Variants in SGTA observed in about 807,000 individuals in gnomAD.
The protein encoded by SGTA is small glutamine rich tetratricopeptide repeat co-chaperone alpha.
SGTA carries 22 observed loss-of-function variants against 44.3 expected under a neutral mutation model. The observed-to-expected ratio is 0.50, with a 90% CI of 0.36 to 0.71. The LOEUF (loss-of-function observed/expected upper bound fraction) is 0.71. Among genes scored for constraint, SGTA ranks in the 30% least tolerant of loss-of-function variants. The pLI is 0.00. For synonymous variants in SGTA, 174 were observed against 177.6 expected (o/e 0.98, Z 0.16); for missense variants, 341 against 435.9 (o/e 0.78, Z 1.94).
chr19:2,777,115 G>A (rs1005005864), intron 1 of SGTA, among the ~76,000 whole-genome samples: 1 of 151,720 alleles, frequency 6.6e-6, no homozygotes, highest in African/African-American at 2.4e-5. Context: ...GCCGGTCGTA[G>A]TGGTGCGCGC....
chr19:2,765,594 C>G lies in SGTA; in HGVS notation c.293-309G>C, dbSNP rs1303758127. Among the ~76,000 whole-genome samples the G allele has an allele frequency of 6.6e-6, 1 of 151,950 alleles. No individual in the cohort carries two copies. Among genetic ancestry groups the G allele is most frequent in the Non-Finnish European group, 1.5e-5 (1 of 67,942 alleles). ...CTGGATGGCGACCCCGGGAGCAGAA[C>G]AGTTAATACAGCTCACCGGCCCGGG... On this transcript the variant is annotated intron_variant, in intron 4 of 11. Coordinates refer to ENST00000221566, the MANE Select transcript of SGTA (RefSeq NM_003021.4). The surrounding 1 kb of genome is among the most constrained non-coding windows in gnomAD (Gnocchi z 5.5).
At chr19:2,758,727 C>T (rs555148630) in intron 9 of SGTA, among the ~76,000 whole-genome samples, 4 of 152,192 alleles carry the variant, frequency 2.6e-5, no homozygotes, top group African/African-American at 9.6e-5. Context: ...AAGGTAGAAA[C>T]AGCCCAAATG....
At chr19:2,778,501 C>T (rs1169184792) in intron 1 of SGTA, among the ~76,000 whole-genome samples, 1 of 152,018 alleles carries the variant, frequency 6.6e-6, no homozygotes, top group Non-Finnish European at 1.5e-5. Flanking sequence ...AACACCGCCC[C>T]CCCCGGCCCC....
intron 1 of SGTA, among the ~76,000 whole-genome samples, chr19:2,775,612 T>C (rs951160711): frequency 1.5e-4 from 23 of 152,162 alleles, no homozygotes; most frequent in African/African-American, 5.3e-4. Flanking sequence ...ACCGACTCCA[T>C]TTCTATGAAA....
At chr19:2,775,142 G>A (rs1038834115) in intron 1 of SGTA, among the ~76,000 whole-genome samples, 2 of 152,232 alleles carry the variant, frequency 1.3e-5, no homozygotes, top group African/African-American at 4.8e-5. Flanking sequence ...TGACCTCGGC[G>A]CAGTGACCTA....
At position 2,763,608 on chromosome 19, in the gene SGTA, G is replaced by A. The variant is rs894753282; in HGVS notation, c.497+45C>T. The A allele has an allele frequency of 7.5e-7, 1 of 1,327,578 alleles. No individual in the cohort carries two copies. The highest frequency in any genetic ancestry group is 1.1e-6 in the Non-Finnish European group (1 of 939,000). The allele number at this position is 1,327,578 out of a possible 1,614,324, so 82.2% of individuals were successfully genotyped here. On this transcript the variant is annotated intron_variant, in intron 6 of 11. Transcript: ENST00000221566. This position sits in a 1 kb window ranked among gnomAD's most constrained non-coding sequence, Gnocchi z 5.8. ...AGAGGAAGCAGGAGCAGGAGAGGAG[G>A]GGTCCCGAGAGACTGGAAAGGCGCG... is the stretch of plus-strand genomic sequence containing the variant.
At chr19:2,774,006 G>A (rs185398638) in intron 1 of SGTA, among the ~76,000 whole-genome samples, 7 of 151,740 alleles carry the variant, frequency 4.6e-5, no homozygotes, top group Non-Finnish European at 7.4e-5. Context: ...TGGGTGACGC[G>A]GCCACACGGC....
At chr19:2,779,051 A>G (rs1007016662) in intron 1 of SGTA, among the ~76,000 whole-genome samples, 7 of 152,036 alleles carry the variant, frequency 4.6e-5, no homozygotes, top group African/African-American at 1.7e-4. Context: ...GGCTCCCCCC[A>G]CTGCACACCA....
Position 2,757,541 on chromosome 19 carries a change from C to T in SGTA, c.828-84G>A. 4 of 1,540,062 alleles carry T rather than the reference C, an allele frequency of 2.6e-6. No individual in the cohort carries two copies. In the East Asian group the frequency reaches 7.2e-5, roughly 28 times the overall value. On this transcript the variant is annotated intron_variant, in intron 10 of 11. Coordinates refer to ENST00000221566, the MANE Select transcript of SGTA (RefSeq NM_003021.4). ...CCATCCCCAGCTGACCCCTCGGGCCCTCCACCCCAAAGACAGGCCTGACCC... is the reference window on the plus strand; with the variant it reads ...CCATCCCCAGCTGACCCCTCGGGCCTTCCACCCCAAAGACAGGCCTGACCC...
chr19:2,756,098 G>T (rs945894675), intron 11 of SGTA, among the ~76,000 whole-genome samples, 165 bp from the exon 12 acceptor site: 1 of 152,148 alleles, frequency 6.6e-6, no homozygotes, highest in Non-Finnish European at 1.5e-5. Context: ...CCACACACTC[G>T]GGGCCACGTG....
intron 8 of SGTA, among the ~76,000 whole-genome samples, chr19:2,760,937 T>C (rs1914972250): frequency 6.6e-6 from 1 of 152,190 alleles, no homozygotes; most frequent in Admixed American, 6.5e-5. Flanking sequence ...GTGTGGGGGA[T>C]GGCTCTCCGA....
In SGTA at chr19:2,763,776, G is replaced by T; in HGVS notation, c.393-19C>A. ...TGCGGCTCTGGGGAAGAAAAGGCAG[G>T]GCAGGTCCCTCACTGGCGGCTCTGA... On this transcript the variant is annotated intron_variant, in intron 5 of 11. Transcript: ENST00000221566. The surrounding 1 kb of genome is among the most constrained non-coding windows in gnomAD (Gnocchi z 5.8). 1 of 1,607,390 alleles carries T rather than the reference G, an allele frequency of 6.2e-7. No homozygotes were observed.
At chr19:2,775,205 C>T (rs1915417269) in intron 1 of SGTA, among the ~76,000 whole-genome samples, 1 of 152,260 alleles carries the variant, frequency 6.6e-6, no homozygotes, top group Admixed American at 6.5e-5. Flanking sequence ...GAGCCACAGG[C>T]ACGGCAGGAT....
At chr19:2,756,175 T>C (rs1392091271) in intron 11 of SGTA, among the ~76,000 whole-genome samples, 1 of 151,618 alleles carries the variant, frequency 6.6e-6, no homozygotes, top group Non-Finnish European at 1.5e-5. Context: ...ACTTTGTGTA[T>C]GAGGTTACGG....
chr19:2,762,379 C>A, intron 7 of SGTA, 127 bp downstream of exon 7: 1 of 928,504 alleles, frequency 1.1e-6, no homozygotes, highest in East Asian at 2.5e-5. Context: ...TCACCACCAA[C>A]TGAAACAAAC....
rs994595414 is a variant in SGTA, at chr19:2,763,877, T to C, written c.393-120A>G. 42 of 716,612 alleles carry C rather than the reference T, an allele frequency of 5.9e-5. No individual in the cohort carries two copies. The highest frequency in any genetic ancestry group is 3.9e-4 in the Middle Eastern group (1 of 2,532). The allele number at this position is 716,612 out of a possible 1,614,324, so 44.4% of individuals were successfully genotyped here. On this transcript the variant is annotated intron_variant, in intron 5 of 11. Transcript: ENST00000221566. The surrounding 1 kb of genome is among the most constrained non-coding windows in gnomAD (Gnocchi z 5.8). The stretch of plus-strand genomic sequence containing the variant: ...CTTCCTGGAGGAACGGCCTCAGTTT[T>C]CCCCATCTGTAAAATGGGGCTGATG...
At position 2,765,337 on chromosome 19, in the gene SGTA, G is replaced by C; in HGVS notation, c.293-52C>G. On this transcript the variant is annotated intron_variant, in intron 4 of 11. Coordinates refer to ENST00000221566, the MANE Select transcript of SGTA (RefSeq NM_003021.4). This position sits in a 1 kb window ranked among gnomAD's most constrained non-coding sequence, Gnocchi z 5.5. Reference sequence around the variant, plus strand: ...CCGGTGTCCACACAGACCGGAGGGGGTGTCAGGGAGAGAGGAAAACACCGG... The same window carrying C: ...CCGGTGTCCACACAGACCGGAGGGGCTGTCAGGGAGAGAGGAAAACACCGG... 2.2e-6 allele frequency: 3 copies of C among 1,360,506 alleles called. No individual in the cohort carries two copies. Among genetic ancestry groups the C allele is most frequent in the Non-Finnish European group, 3.1e-6 (3 of 962,388 alleles). The allele number at this position is 1,360,506 out of a possible 1,614,324, so 84.3% of individuals were successfully genotyped here.
In SGTA at chr19:2,761,392, GAC is replaced by G. The variant is rs919372925; in HGVS notation, c.699+66_699+67del. The G allele has an allele frequency of 6.6e-6, 9 of 1,363,980 alleles. No homozygotes were observed. In the African/African-American group the frequency reaches 1.0e-4, roughly 15 times the overall value. The allele number at this position is 1,363,980 out of a possible 1,614,324, so 84.5% of individuals were successfully genotyped here. A position where few individuals can be genotyped will look rare whatever the true frequency, so the allele number is the denominator to read the frequency against. ...GGCAAGGAAGCCCTGGCCAGTAGCGGACACAGCAGATGCGGGCCTGGGGGGTG... is the reference window on the plus strand; with the variant it reads ...GGCAAGGAAGCCCTGGCCAGTAGCGGACAGCAGATGCGGGCCTGGGGGGTG... On this transcript the variant is annotated intron_variant, in intron 8 of 11. Coordinates refer to ENST00000221566, the MANE Select transcript of SGTA (RefSeq NM_003021.4). This position sits in a 1 kb window ranked among gnomAD's most constrained non-coding sequence, Gnocchi z 5.7.
intron 5 of SGTA, among the ~76,000 whole-genome samples, chr19:2,764,892 T>C (rs965534570): frequency 1.3e-5 from 2 of 152,118 alleles, no homozygotes; most frequent in African/African-American, 4.8e-5. Context: ...ACATTTTCTG[T>C]AGAGACGGGG....
Sources: gnomAD v4.1 joint callset for allele counts (sites outside exome capture counted in the v4.1 genomes callset) on GRCh38, gnomAD v4.1.1 for gene constraint, Gnocchi (gnomAD v3.1) non-coding constraint, MANE v1.5 for transcripts, NCBI Gene and HGNC (gene_info 2026-07-23, HGNC 2026-07-21) for gene names.